ZNF654: variants seen among roughly 807,000 people sequenced by gnomAD.
ZNF654 encodes the protein melanoma-associated antigen.
In ZNF654, 19 loss-of-function variants were observed where a neutral mutation model predicts 95.3. That is an observed-to-expected ratio of 0.20 (90% CI 0.14 to 0.29). The LOEUF is 0.29. ZNF654 is among the 10% of genes least tolerant of loss of function. ZNF654 has a pLI of 1.00. For missense variants in ZNF654, 1,046 were observed against 1,341.0 expected (o/e 0.78, Z 3.44); for synonymous variants, 413 against 457.9 (o/e 0.90, Z 1.25).
chr3:88,108,268 A>G (rs1354434279), intron 2 of ZNF654, among the ~76,000 whole-genome samples: 1 of 152,012 alleles, frequency 6.6e-6, no homozygotes, highest in Non-Finnish European at 1.5e-5. Context: ...TCCAGTCTAG[A>G]AATGTGGGGA....
chr3:88,103,726 A>G (rs6804818), intron 2 of ZNF654, among the ~76,000 whole-genome samples: 118,149 of 150,796 alleles, frequency 0.78, 47,226 homozygotes, highest in South Asian at 0.91. Context: ...CAATGAAGTG[A>G]CAACTTTAAA....
intron 1 of ZNF654, among the ~76,000 whole-genome samples, chr3:88,061,803 G>GT (rs1310437500): frequency 1.3e-5 from 2 of 152,116 alleles, no homozygotes; most frequent in African/African-American, 2.4e-5. Context: ...ATAATAATTT[G>GT]TTTTTATTAG....
chr3:88,103,150 C>T (rs754301561), intron 2 of ZNF654, among the ~76,000 whole-genome samples: 1 of 151,874 alleles, frequency 6.6e-6, no homozygotes, highest in African/African-American at 2.4e-5. Flanking sequence ...TTTCAAAAAC[C>T]AGAAATTACA....
intron 2 of ZNF654, 25 bp downstream of exon 2, chr3:88,086,427 A>C: frequency 6.9e-7 from 1 of 1,451,824 alleles, no homozygotes; most frequent in Non-Finnish European, 9.1e-7. Flanking sequence ...CTTCTTATAA[A>C]TGCATTATTT....
At chr3:88,107,915 T>G (rs1283124032) in intron 2 of ZNF654, among the ~76,000 whole-genome samples, 7 of 152,162 alleles carry the variant, frequency 4.6e-5, no homozygotes, top group Non-Finnish European at 7.4e-5. Context: ...AAAGTCTCTG[T>G]GACTAACGTT....
intron 2 of ZNF654, among the ~76,000 whole-genome samples, chr3:88,104,731 C>G (rs1704629366): frequency 6.6e-6 from 1 of 152,142 alleles, no homozygotes; most frequent in African/African-American, 2.4e-5. Context: ...TAAATGGAAT[C>G]TTAAAATTGC....
At chr3:88,069,428 A>G (rs1707383234) in intron 1 of ZNF654, among the ~76,000 whole-genome samples, 1 of 152,172 alleles carries the variant, frequency 6.6e-6, no homozygotes, top group Admixed American at 6.5e-5. Flanking sequence ...TTTCAAAAAA[A>G]AAGAAAGTGA....
At chr3:88,120,405 A>G (rs1246656533) in intron 3 of ZNF654, among the ~76,000 whole-genome samples, 7 of 152,206 alleles carry the variant, frequency 4.6e-5, no homozygotes, top group Admixed American at 6.5e-5. Flanking sequence ...AAAACCTTCT[A>G]AAGACTGCCT....
At chr3:88,064,548 C>T (rs966272379) in intron 1 of ZNF654, among the ~76,000 whole-genome samples, 5 of 152,016 alleles carry the variant, frequency 3.3e-5, no homozygotes, top group African/African-American at 1.2e-4. Flanking sequence ...GTATGTGGTA[C>T]CTCAAATTCC....
intron 1 of ZNF654, among the ~76,000 whole-genome samples, chr3:88,075,309 G>A (rs1185202912): frequency 6.6e-6 from 1 of 152,150 alleles, no homozygotes; most frequent in Non-Finnish European, 1.5e-5. Context: ...CCTGTGTTCT[G>A]CTCTTGCATC....
intron 7 of ZNF654, among the ~76,000 whole-genome samples, chr3:88,136,816 T>G (rs1706813710): frequency 6.6e-6 from 1 of 152,138 alleles, no homozygotes; most frequent in Admixed American, 6.5e-5. Flanking sequence ...AGATTTCAGG[T>G]AAGGAAGCAG....
chr3:88,089,265 G>C (rs1708512313), intron 2 of ZNF654, among the ~76,000 whole-genome samples: 1 of 150,802 alleles, frequency 6.6e-6, no homozygotes, highest in South Asian at 2.1e-4. Flanking sequence ...GCCGAGGCGG[G>C]TGGATCACAA....
In ZNF654 at chr3:88,135,165, G is replaced by C. The variant is rs1486031810; in HGVS notation, c.998G>C (p.Arg333Thr). Reference protein sequence around the residue: ...YQLLRTATNVRVIFPFMKIIK... With the variant: ...YQLLRTATNVTVIFPFMKIIK... ...CTTTTAAGAACAGCAACTAATGTGA[G>C]AGTCATATTTCCTTTCATGAAAATC... is the stretch of plus-strand genomic sequence containing the variant. Residue 333 changes from arginine to threonine, a missense_variant, in exon 7 of 9, where the codon AGA becomes ACA. Arg to Thr is a moderately conservative substitution (Grantham distance 71). Coordinates refer to ENST00000636215, the MANE Select transcript of ZNF654 (RefSeq NM_001350134.2). 1.3e-6 allele frequency: 2 copies of C among 1,485,020 alleles called. No homozygotes were observed. The highest frequency in any genetic ancestry group is 2.9e-5 in the African/African-American group (2 of 70,152). 92.0% of individuals were successfully genotyped at this position (1,485,020 alleles called of 1,614,324 possible).
At chr3:88,077,677 A>T (rs1056552832) in intron 1 of ZNF654, among the ~76,000 whole-genome samples, 11 of 97,048 alleles carry the variant, frequency 1.1e-4, no homozygotes, top group Non-Finnish European at 2.3e-4. Context: ...AGATAAATGA[A>T]ACATGCTGTA....
At chr3:88,128,542 ATTTTTTT>A (rs201429875) in intron 4 of ZNF654, among the ~76,000 whole-genome samples, 1 of 151,724 alleles carries the variant, frequency 6.6e-6, no homozygotes. Flanking sequence ...AAGAAAAAAA[ATTTTTTT>A]TTAAATTTTG....
At chr3:88,069,703 T>C (rs1707401234) in intron 1 of ZNF654, among the ~76,000 whole-genome samples, 1 of 152,174 alleles carries the variant, frequency 6.6e-6, no homozygotes, top group South Asian at 2.1e-4. Context: ...AAAGTTGACA[T>C]TATAGAGTGT....
At chr3:88,082,129 A>T (rs1708108926) in intron 1 of ZNF654, among the ~76,000 whole-genome samples, 1 of 141,750 alleles carries the variant, frequency 7.1e-6, no homozygotes, top group African/African-American at 2.6e-5. Context: ...TTGTTAATCA[A>T]TTTTTTTTTT....
At chr3:88,081,116 G>A (rs973951805) in intron 1 of ZNF654, among the ~76,000 whole-genome samples, 1 of 152,052 alleles carries the variant, frequency 6.6e-6, no homozygotes, top group Non-Finnish European at 1.5e-5. Flanking sequence ...CCCTCAGTTT[G>A]GGTTTGTCTG....
chr3:88,126,417 T>C, intron 4 of ZNF654, 148 bp downstream of exon 4: 1 of 974,422 alleles, frequency 1.0e-6, no homozygotes, highest in Non-Finnish European at 1.3e-6. Context: ...GTGTTTGTTT[T>C]TCTAAACTGG....
Sources: allele counts gnomAD v4.1 joint callset (sites outside exome capture counted in the v4.1 genomes callset), GRCh38; gene constraint gnomAD v4.1.1; transcripts MANE v1.5; gene names NCBI Gene and HGNC (gene_info 2026-07-23, HGNC 2026-07-21).